ELOVL5: variants seen among roughly 807,000 people sequenced by gnomAD.
The protein encoded by ELOVL5 is ELOVL fatty acid elongase 5.
Under a neutral mutation model 38.6 loss-of-function variants are expected in ELOVL5, and 8 were observed. That is an observed-to-expected ratio of 0.21 (90% CI 0.12 to 0.37). The LOEUF is 0.37. Ranked by LOEUF, ELOVL5 falls within the 10% of genes least tolerant of loss-of-function variation. The pLI is 1.00. For missense variants in ELOVL5, 280 were observed against 367.8 expected (o/e 0.76, Z 1.95); for synonymous variants, 127 against 133.7 (o/e 0.95, Z 0.34).
intron 1 of ELOVL5, among the ~76,000 whole-genome samples, chr6:53,320,779 T>G (rs780045207): frequency 6.6e-6 from 1 of 152,180 alleles, no homozygotes; most frequent in Non-Finnish European, 1.5e-5. Flanking sequence ...AAAAAGTTCT[T>G]AGGACTGAAA....
At chr6:53,298,713 C>T (rs981327379) in intron 1 of ELOVL5, among the ~76,000 whole-genome samples, 1 of 152,110 alleles carries the variant, frequency 6.6e-6, no homozygotes, top group South Asian at 2.1e-4. Flanking sequence ...CTCTGCTTCT[C>T]GGCAGGGGCA....
chr6:53,308,218 GACCTCATTTTC>G (rs1374794965), intron 1 of ELOVL5, among the ~76,000 whole-genome samples: 1 of 152,102 alleles, frequency 6.6e-6, no homozygotes, highest in Non-Finnish European at 1.5e-5. Context: ...AATCCTCCCT[GACCTCATTTTC>G]ATACTCTTCA....
At chr6:53,311,708 T>G (rs987511411) in intron 1 of ELOVL5, among the ~76,000 whole-genome samples, 5 of 152,140 alleles carry the variant, frequency 3.3e-5, no homozygotes, top group African/African-American at 4.8e-5. Flanking sequence ...GAAAACATTA[T>G]GCAAAGTGGA....
rs146509040 is a variant in ELOVL5 at position 53,345,125 on chromosome 6, A to C, written c.-9+3692T>G. 1.7e-3 allele frequency among the ~76,000 whole-genome samples: 257 copies of C among 152,320 alleles called. 2 individuals carry two copies. Among genetic ancestry groups the C allele is most frequent in the African/African-American group, 5.9e-3 (247 of 41,554 alleles). ...TATTGCTTCAAGTAACCAAGGCCTA[A>C]GTCAATCACCTTAAGGTAAAGGACT... is the stretch of plus-strand genomic sequence containing the variant. On this transcript the variant is annotated intron_variant, in intron 1 of 7. Coordinates refer to ENST00000304434, the MANE Select transcript of ELOVL5 (RefSeq NM_021814.5).
At position 53,269,032 on chromosome 6, in the gene ELOVL5, G is replaced by T; in HGVS notation, c.*95C>A. The T allele has an allele frequency of 7.0e-7, 1 of 1,434,494 alleles. No individual in the cohort carries two copies. The highest frequency in any genetic ancestry group is 1.3e-5 in the South Asian group (1 of 75,570). The allele number at this position is 1,434,494 out of a possible 1,614,324, so 88.9% of individuals were successfully genotyped here. On this transcript the variant is annotated 3_prime_UTR_variant, in exon 8 of 8. Transcript: ENST00000304434. ...ACATGAATCACACTATTGTAGGCCA[G>T]ACTAGTTACAGCAGCTGTTAACGAG... is the stretch of plus-strand genomic sequence containing the variant.
At chr6:53,299,714 A>C (rs963423739) in intron 1 of ELOVL5, among the ~76,000 whole-genome samples, 4 of 152,220 alleles carry the variant, frequency 2.6e-5, no homozygotes, top group African/African-American at 9.6e-5. Flanking sequence ...CATCTTGAAG[A>C]GGCCCTGTGG....
intron 1 of ELOVL5, among the ~76,000 whole-genome samples, chr6:53,322,026 T>C (rs1418516738): frequency 6.6e-6 from 1 of 152,224 alleles, no homozygotes; most frequent in African/African-American, 2.4e-5. Context: ...TAAGTCTAGT[T>C]ACCAATTTTT....
intron 2 of ELOVL5, among the ~76,000 whole-genome samples, chr6:53,292,866 G>C (rs900415850): frequency 1.3e-5 from 2 of 152,226 alleles, no homozygotes; most frequent in Non-Finnish European, 2.9e-5. Flanking sequence ...TTAAAGGGCA[G>C]TATTTAACAA....
chr6:53,335,002 C>T (rs982543502), intron 1 of ELOVL5, among the ~76,000 whole-genome samples: 1 of 152,204 alleles, frequency 6.6e-6, no homozygotes. Context: ...CTGTGTGATT[C>T]TGGGCAAGCC....
intron 3 of ELOVL5, among the ~76,000 whole-genome samples, chr6:53,279,678 C>A (rs527456381): frequency 6.6e-6 from 1 of 152,162 alleles, no homozygotes; most frequent in African/African-American, 2.4e-5. Context: ...GTATTTTAAA[C>A]GAGGCTTGAC....
chr6:53,276,590 C>A (rs910871098), intron 3 of ELOVL5, among the ~76,000 whole-genome samples: 7 of 152,130 alleles, frequency 4.6e-5, no homozygotes, highest in African/African-American at 1.7e-4. Context: ...GCTCCCTGCT[C>A]TGCCCCACAG....
At chr6:53,311,368 C>T (rs1174423026) in intron 1 of ELOVL5, among the ~76,000 whole-genome samples, 1 of 152,178 alleles carries the variant, frequency 6.6e-6, no homozygotes. Flanking sequence ...AATACTCAGG[C>T]GCTTGCTGTT....
At chr6:53,273,194 C>G in intron 6 of ELOVL5, 26 bp downstream of exon 6, 1 of 1,612,628 alleles carries the variant, frequency 6.2e-7, no homozygotes, top group Non-Finnish European at 8.5e-7. Flanking sequence ...GAAGTAAGTC[C>G]TGGGGAAAGA....
At chr6:53,342,092 A>G (rs930496165) in intron 1 of ELOVL5, among the ~76,000 whole-genome samples, 7 of 151,402 alleles carry the variant, frequency 4.6e-5, no homozygotes, top group African/African-American at 1.7e-4. Flanking sequence ...CCTCAGATCC[A>G]TCACAGAGAT....
At chr6:53,296,203 G>A (rs979658160) in intron 1 of ELOVL5, among the ~76,000 whole-genome samples, 5 of 151,792 alleles carry the variant, frequency 3.3e-5, no homozygotes, top group Non-Finnish European at 7.4e-5. Context: ...AAAAATTCAA[G>A]TATTAAAAAT....
chr6:53,305,058 A>ACC lies in ELOVL5; in HGVS notation c.-8-9353_-8-9352dup, dbSNP rs527518063. Among the ~76,000 whole-genome samples the ACC allele has an allele frequency of 2.8e-3, 341 of 121,730 alleles. 1 individual carries two copies. Among genetic ancestry groups the ACC allele is most frequent in the African/African-American group, 9.7e-3 (298 of 30,702 alleles). 79.9% of individuals were successfully genotyped at this position (121,730 alleles called of 152,430 possible). ...GGGCGGCTGGCCGGGCGGGGGGCTGACCCCCCCCACCTCCCTCCCGGACGG... is the reference window on the plus strand; with the variant it reads ...GGGCGGCTGGCCGGGCGGGGGGCTGACCCCCCCCCCACCTCCCTCCCGGACGG... On this transcript the variant is annotated intron_variant, in intron 1 of 7. Coordinates refer to ENST00000304434, the MANE Select transcript of ELOVL5 (RefSeq NM_021814.5).
chr6:53,324,648 C>G (rs1401168453), intron 1 of ELOVL5, among the ~76,000 whole-genome samples: 1 of 125,746 alleles, frequency 8.0e-6, no homozygotes, highest in Non-Finnish European at 1.6e-5. Context: ...GCATTCCAGC[C>G]TGGTGACAAG....
At chr6:53,299,553 G>C (rs1767163016) in intron 1 of ELOVL5, among the ~76,000 whole-genome samples, 1 of 152,184 alleles carries the variant, frequency 6.6e-6, no homozygotes, top group East Asian at 1.9e-4. Context: ...CACGGCAACA[G>C]AAAAGCAGCT....
intron 3 of ELOVL5, among the ~76,000 whole-genome samples, chr6:53,289,341 T>C (rs557143931): frequency 1.2e-4 from 19 of 152,328 alleles, no homozygotes; most frequent in African/African-American, 4.3e-4. Flanking sequence ...TGGGGCTTCA[T>C]GATCTCCTCA....
Sources: allele counts gnomAD v4.1 joint callset (sites outside exome capture counted in the v4.1 genomes callset), GRCh38; gene constraint gnomAD v4.1.1; transcripts MANE v1.5; gene names NCBI Gene and HGNC (gene_info 2026-07-23, HGNC 2026-07-21).